PTPRD: variants seen among roughly 807,000 people sequenced by gnomAD.
PTPRD encodes protein tyrosine phosphatase receptor type D, also known as receptor-type tyrosine-protein phosphatase delta.
A neutral mutation model predicts 214.5 loss-of-function variants in PTPRD; 34 were observed. The ratio of observed to expected loss-of-function variants is 0.16; its 90% CI spans 0.12 to 0.21. The LOEUF (loss-of-function observed/expected upper bound fraction) is 0.21. PTPRD is among the 10% of genes least tolerant of loss of function. The pLI, the probability that PTPRD is intolerant of heterozygous loss-of-function variation, is 1.00. For synonymous variants in PTPRD, 1,128 were observed against 845.7 expected (o/e 1.33, Z -5.79); for missense variants, 2,545 against 2,398.7 (o/e 1.06, Z -1.27).
chr9:9,289,439 C>A (rs1176910809), intron 9 of PTPRD, among the ~76,000 whole-genome samples: 1 of 151,812 alleles, frequency 6.6e-6, no homozygotes, highest in Admixed American at 6.6e-5. Context: ...TTTTCATAAT[C>A]AAATCCATTA....
At chr9:9,229,598 T>TA (rs2099961807) in intron 9 of PTPRD, among the ~76,000 whole-genome samples, 1 of 152,086 alleles carries the variant, frequency 6.6e-6, no homozygotes, top group African/African-American at 2.4e-5. Context: ...GGCTGACAAA[T>TA]ACTCGGGTTT....
At chr9:9,947,093 A>C (rs2092665902) in intron 4 of PTPRD, among the ~76,000 whole-genome samples, 1 of 150,510 alleles carries the variant, frequency 6.6e-6, no homozygotes, top group Non-Finnish European at 1.5e-5. Context: ...TTTATAAAAA[A>C]TAACTTGGAA....
chr9:9,793,368 A>C (rs2098980475), intron 5 of PTPRD, among the ~76,000 whole-genome samples: 2 of 152,148 alleles, frequency 1.3e-5, no homozygotes, highest in South Asian at 4.1e-4. Context: ...CAGAAACAAA[A>C]GTAAAACTCC....
chr9:9,042,966 G>C (rs2099646053), intron 10 of PTPRD, among the ~76,000 whole-genome samples: 1 of 152,164 alleles, frequency 6.6e-6, no homozygotes, highest in African/African-American at 2.4e-5. Flanking sequence ...TGTTCTAACA[G>C]GACTGGACTT....
chr9:8,579,518 C>T (rs1238282588), intron 14 of PTPRD, among the ~76,000 whole-genome samples: 1 of 152,128 alleles, frequency 6.6e-6, no homozygotes, highest in Non-Finnish European at 1.5e-5. Context: ...TCATGCCAAG[C>T]ATTTTAATAA....
chr9:9,045,393 C>T (rs2099669190), intron 10 of PTPRD, among the ~76,000 whole-genome samples: 1 of 151,662 alleles, frequency 6.6e-6, no homozygotes, highest in Non-Finnish European at 1.5e-5. Context: ...AAGTCGTGAG[C>T]ATGTGGGAGG....
chr9:9,756,480 C>A (rs990022829), intron 6 of PTPRD, among the ~76,000 whole-genome samples: 10 of 152,028 alleles, frequency 6.6e-5, no homozygotes, highest in Non-Finnish European at 1.5e-4. Flanking sequence ...AAAGCCATTT[C>A]TATCTATATA....
chr9:9,694,064 G>A (rs1344070877), intron 7 of PTPRD, among the ~76,000 whole-genome samples: 1 of 152,156 alleles, frequency 6.6e-6, no homozygotes, highest in African/African-American at 2.4e-5. Context: ...TTGCCTCAAA[G>A]GTTATATAGC....
chr9:10,143,863 T>C (rs191372579), intron 3 of PTPRD, among the ~76,000 whole-genome samples: 226 of 151,954 alleles, frequency 1.5e-3, no homozygotes, highest in Admixed American at 0.013. Context: ...TGAGTACACA[T>C]GAAAGTAAAG....
intron 9 of PTPRD, among the ~76,000 whole-genome samples, chr9:9,239,270 GT>G (rs1419128799): frequency 6.6e-6 from 1 of 151,580 alleles, no homozygotes; most frequent in African/African-American, 2.4e-5. Flanking sequence ...TTTGGTTCAT[GT>G]GATATGAGAT....
At chr9:8,350,716 T>C (rs2075210869) in intron 39 of PTPRD, among the ~76,000 whole-genome samples, 1 of 152,166 alleles carries the variant, frequency 6.6e-6, no homozygotes, top group African/African-American at 2.4e-5. Context: ...CTAGGATAAC[T>C]AGAGAAATTA....
intron 8 of PTPRD, among the ~76,000 whole-genome samples, chr9:9,472,882 G>A (rs1273281010): frequency 6.6e-6 from 1 of 152,068 alleles, no homozygotes; most frequent in East Asian, 1.9e-4. Flanking sequence ...AAGGGATGCA[G>A]TGATATATTA....
intron 12 of PTPRD, among the ~76,000 whole-genome samples, chr9:8,720,685 GTGTT>G (rs1210528291): frequency 6.7e-6 from 1 of 148,528 alleles, no homozygotes. Flanking sequence ...CCAAATTGAT[GTGTT>G]TTTTTTTAAT....
chr9:8,430,612 A>G (rs1400636130), intron 35 of PTPRD, among the ~76,000 whole-genome samples: 1 of 152,088 alleles, frequency 6.6e-6, no homozygotes, highest in East Asian at 1.9e-4. Context: ...CATCATCAAT[A>G]TCTTTTAAAA....
intron 5 of PTPRD, among the ~76,000 whole-genome samples, chr9:9,864,747 C>G (rs1476560415): frequency 1.3e-5 from 2 of 152,022 alleles, no homozygotes; most frequent in African/African-American, 2.4e-5. Flanking sequence ...CTGCTGGGCT[C>G]AAGCAATTCT....
intron 9 of PTPRD, among the ~76,000 whole-genome samples, chr9:9,274,280 C>T (rs568742697): frequency 4.0e-5 from 6 of 151,392 alleles, no homozygotes; most frequent in Admixed American, 2.6e-4. Context: ...TGACTTTCTC[C>T]GTTCTGTTAC....
chr9:9,088,303 C>T (rs1300273930), intron 10 of PTPRD, among the ~76,000 whole-genome samples: 1 of 149,568 alleles, frequency 6.7e-6, no homozygotes, highest in African/African-American at 2.5e-5. Context: ...AAAATGAAAT[C>T]TGGGCCGGGT....
At chr9:8,607,006 T>C (rs1293703292) in intron 14 of PTPRD, among the ~76,000 whole-genome samples, 3 of 152,156 alleles carry the variant, frequency 2.0e-5, no homozygotes, top group African/African-American at 7.2e-5. Flanking sequence ...CATAAATCAA[T>C]GGTAGAATGC....
At chr9:9,635,908 A>G (rs1311894505) in intron 7 of PTPRD, among the ~76,000 whole-genome samples, 1 of 152,180 alleles carries the variant, frequency 6.6e-6, no homozygotes, top group East Asian at 1.9e-4. Flanking sequence ...ATTCTCTCCC[A>G]GTGTTCATTT....
Sources: allele counts gnomAD v4.1 joint callset (sites outside exome capture counted in the v4.1 genomes callset), GRCh38; gene constraint gnomAD v4.1.1; transcripts MANE v1.5; gene names NCBI Gene and HGNC (gene_info 2026-07-23, HGNC 2026-07-21).